Variants in ABCB10 observed in about 807,000 individuals in gnomAD.
ABCB10 encodes the protein ATP-binding cassette sub-family B member 10, mitochondrial.
A neutral mutation model predicts 65.4 loss-of-function variants in ABCB10; 54 were observed. That is an observed-to-expected ratio of 0.83 (90% CI 0.66 to 1.04). ABCB10 has a LOEUF of 1.04. Among genes scored for constraint, ABCB10 ranks in the 50% least tolerant of loss-of-function variants. The probability of loss-of-function intolerance (pLI) is 0.00; values close to 1 mark genes in which losing one functional copy is unlikely to be tolerated. For missense variants in ABCB10, 846 were observed against 976.6 expected (o/e 0.87, Z 1.78); for synonymous variants, 418 against 406.5 (o/e 1.03, Z -0.34).
intron 6 of ABCB10, among the ~76,000 whole-genome samples, chr1:229,532,539 A>G (rs1662609268): frequency 6.6e-6 from 1 of 152,118 alleles, no homozygotes; most frequent in African/African-American, 2.4e-5. Context: ...ACTTCAAGTA[A>G]TCTCTAGATT....
chr1:229,534,254 C>G (rs1265028857), intron 6 of ABCB10, among the ~76,000 whole-genome samples: 3 of 152,160 alleles, frequency 2.0e-5, no homozygotes, highest in African/African-American at 7.2e-5. Flanking sequence ...TGGCTAAAAG[C>G]TAGAACACTG....
intron 6 of ABCB10, among the ~76,000 whole-genome samples, chr1:229,536,292 G>A (rs947152765): frequency 6.6e-6 from 1 of 152,100 alleles, no homozygotes; most frequent in African/African-American, 2.4e-5. Context: ...CTTGAGCCCA[G>A]GAGTTTGAGA....
At position 229,550,525 on chromosome 1, in the gene ABCB10, CA is replaced by C. The variant is rs60323914; in HGVS notation, c.518-1092del. Among the ~76,000 whole-genome samples, 492 of 63,548 alleles carry C rather than the reference CA, an allele frequency of 7.7e-3. 1 individual carries two copies. The highest frequency in any genetic ancestry group is 0.034 in the East Asian group (80 of 2,326). The allele number at this position is 63,548 out of a possible 152,430, so 41.7% of individuals were successfully genotyped here. On this transcript the variant is annotated intron_variant, in intron 1 of 12. Coordinates refer to ENST00000344517, the MANE Select transcript of ABCB10 (RefSeq NM_012089.3). ...GGGTGACACAGCAATATGCTGTCTC[CA>C]AAAAAAAAAAAAAAAAAAAAAATTT...
At chr1:229,531,900 G>C in intron 6 of ABCB10, 169 bp from the exon 7 acceptor site, 1 of 392,626 alleles carries the variant, frequency 2.5e-6, no homozygotes, top group South Asian at 5.0e-5. Context: ...AGAATTGCTT[G>C]TCTCATACTC....
chr1:229,541,006 C>T (rs548296286), intron 4 of ABCB10, among the ~76,000 whole-genome samples: 2 of 152,158 alleles, frequency 1.3e-5, no homozygotes, highest in East Asian at 3.9e-4. Flanking sequence ...AAAATCTATA[C>T]CTAAACATAT....
In ABCB10 at chr1:229,525,957, C is replaced by A. The variant is rs182613011; in HGVS notation, c.1885G>T (p.Glu629Ter). Reference sequence around the variant, plus strand: ...GCACCTGAGAGGAGAACACCCTTTTCTCCAACCACAGTGTTGAACCCTTGG... The same window carrying A: ...GCACCTGAGAGGAGAACACCCTTTTATCCAACCACAGTGTTGAACCCTTGG... ...FPQGFNTVVG[E>*]KGVLLSGGQK... Residue 629 changes from glutamate to a stop codon, truncating the protein, a stop_gained, in exon 10 of 13, where the codon GAA becomes TAA. Coordinates refer to ENST00000344517, the MANE Select transcript of ABCB10 (RefSeq NM_012089.3). LOFTEE classifies it high-confidence loss of function. 6.2e-7 allele frequency: 1 copy of A among 1,613,770 alleles called. No homozygotes were observed. Among genetic ancestry groups the A allele is most frequent in the East Asian group, 2.2e-5 (1 of 44,870 alleles).
At chr1:229,536,091 T>C (rs887897827) in intron 6 of ABCB10, among the ~76,000 whole-genome samples, 1 of 152,084 alleles carries the variant, frequency 6.6e-6, no homozygotes, top group African/African-American at 2.4e-5. Context: ...GCTGTGCATG[T>C]ATGGGGGCAG....
At position 229,517,220 on chromosome 1, in the gene ABCB10, A is replaced by C. The variant is rs891768100; in HGVS notation, c.*959T>G. On this transcript the variant is annotated 3_prime_UTR_variant, in exon 13 of 13. Transcript: ENST00000344517. ...AAGTTTTCTTGTTATTCTGTTGAAT[A>C]GCAAGGACTTCCAAACTTAAATGTC... 3.9e-5 allele frequency: 6 copies of C among 152,234 alleles called. No homozygotes were observed. Among genetic ancestry groups the C allele is most frequent in the African/African-American group, 1.4e-4 (6 of 41,470 alleles). 9.4% of individuals were successfully genotyped at this position (152,234 alleles called of 1,614,324 possible).
Position 229,530,367 on chromosome 1 carries a change from C to A in ABCB10, c.1477G>T (p.Glu493Ter). 1 of 1,614,176 alleles carries A rather than the reference C, an allele frequency of 6.2e-7. No individual in the cohort carries two copies. Residue 493 changes from glutamate to a stop codon, truncating the protein, a stop_gained, in exon 8 of 13, where the codon GAG becomes TAG. Transcript: ENST00000344517. LOFTEE classifies it high-confidence loss of function. ...TAGGCAAAATGCACGTTCTTAAACT[C>A]CAAAGCACCCTGGAAGCTTTTCTCA... Reference protein sequence around the residue: ...LNEKSFQGALEFKNVHFAYPA... With the variant: ...LNEKSFQGAL
intron 10 of ABCB10, among the ~76,000 whole-genome samples, chr1:229,525,264 C>T (rs1379519056): frequency 6.6e-6 from 1 of 152,160 alleles, no homozygotes; most frequent in Non-Finnish European, 1.5e-5. Context: ...TCCTGATGCA[C>T]ATTCCCTGAC....
intron 6 of ABCB10, among the ~76,000 whole-genome samples, chr1:229,534,018 G>T (rs1468120173): frequency 6.6e-6 from 1 of 152,124 alleles, no homozygotes; most frequent in Non-Finnish European, 1.5e-5. Context: ...ATCTGTAAAA[G>T]ACCTATCCAA....
At position 229,558,301 on chromosome 1, in the gene ABCB10, A is replaced by G; in HGVS notation, c.352T>C (p.Phe118Leu). The G allele has an allele frequency of 8.1e-7, 1 of 1,234,946 alleles. No homozygotes were observed. The highest frequency in any genetic ancestry group is 1.0e-6 in the Non-Finnish European group (1 of 988,706). 76.5% of individuals were successfully genotyped at this position (1,234,946 alleles called of 1,614,324 possible). A position where few individuals can be genotyped will look rare whatever the true frequency, so the allele number is the denominator to read the frequency against. The change falls in exon 1 of 13, where the codon TTC becomes CTC. Residue 118 changes from phenylalanine to leucine, a missense_variant. By Grantham distance (22) the Phe-to-Leu change is conservative. Transcript: ENST00000344517. ...PGAPRLPRAR[F>L]PGGPAAAAWA... ...GCAGCGGCTGCGGGACCGCCCGGGA[A>G]CCGGGCGCGCGGGAGCCGAGGAGCG...
Position 229,549,356 on chromosome 1 carries a change from A to G in ABCB10, c.596T>C (p.Ile199Thr), listed in dbSNP as rs554427813. The G allele has an allele frequency of 6.2e-7, 1 of 1,614,158 alleles. No individual in the cohort carries two copies. The highest frequency in any genetic ancestry group is 1.1e-5 in the South Asian group (1 of 91,076). ...GTAGTCCACAGTGGGGTTGGTATAG[A>G]TGACATCAATGATCTTCCCCAGGAA... ...PFFLGKIIDV[I>T]YTNPTVDYSD... Residue 199 changes from isoleucine to threonine, a missense_variant, in exon 2 of 13, where the codon ATC becomes ACC. Physicochemically the swap from Ile to Thr is moderately conservative, Grantham distance 89 (BLOSUM62 -1). Transcript: ENST00000344517.
chr1:229,549,764 G>A (rs935036278), intron 1 of ABCB10: 26 of 231,000 alleles, frequency 1.1e-4, no homozygotes, highest in African/African-American at 5.8e-4. Flanking sequence ...CCCATCTCTT[G>A]ATTTTGGTGT....
chr1:229,519,377 ATCACTAGACC>A (rs1434556400), intron 11 of ABCB10, among the ~76,000 whole-genome samples: 2 of 152,214 alleles, frequency 1.3e-5, no homozygotes, highest in Non-Finnish European at 2.9e-5. Context: ...CATCAGAGTA[ATCACTAGACC>A]AGGTATCGTT....
intron 1 of ABCB10, among the ~76,000 whole-genome samples, chr1:229,551,334 G>A (rs1198974737): frequency 6.6e-6 from 1 of 152,114 alleles, no homozygotes; most frequent in Non-Finnish European, 1.5e-5. Flanking sequence ...TGTTCTCGAA[G>A]CTCCTACCTT....
chr1:229,554,821 A>G (rs1470366555), intron 1 of ABCB10, among the ~76,000 whole-genome samples: 1 of 152,064 alleles, frequency 6.6e-6, no homozygotes, highest in Admixed American at 6.5e-5. Flanking sequence ...CTCCATCCTC[A>G]CTGGGCTTCA....
At chr1:229,533,005 C>T (rs571798974) in intron 6 of ABCB10, among the ~76,000 whole-genome samples, 1 of 152,242 alleles carries the variant, frequency 6.6e-6, no homozygotes, top group Non-Finnish European at 1.5e-5. Context: ...CAGGGTCTCA[C>T]TATGTTCCCT....
intron 3 of ABCB10, among the ~76,000 whole-genome samples, chr1:229,543,469 T>C (rs573591966): frequency 4.3e-4 from 65 of 152,270 alleles, no homozygotes; most frequent in African/African-American, 1.6e-3. Context: ...GGCTAAATAA[T>C]ACTAAGGAAA....
Sources: gnomAD v4.1 joint callset for allele counts (sites outside exome capture counted in the v4.1 genomes callset) on GRCh38, gnomAD v4.1.1 for gene constraint, MANE v1.5 for transcripts, NCBI Gene and HGNC (gene_info 2026-07-23, HGNC 2026-07-21) for gene names.